The following ROBO2 variants were observed in gnomAD, a reference collection of about 807,000 sequenced individuals.
ROBO2 encodes the protein roundabout homolog 2.
ROBO2 carries 53 observed loss-of-function variants against 160.8 expected under a neutral mutation model. The ratio of observed to expected loss-of-function variants is 0.33; its 90% confidence interval spans 0.26 to 0.41. The LOEUF (loss-of-function observed/expected upper bound fraction) is 0.41. ROBO2 is among the 10% of genes least tolerant of loss of function. The pLI is 1.00. For missense variants in ROBO2, 1,577 were observed against 1,722.4 expected (o/e 0.92, Z 1.49); for synonymous variants, 664 against 611.7 (o/e 1.09, Z -1.26).
At chr3:77,420,879 C>T (rs910032416) in intron 2 of ROBO2, among the ~76,000 whole-genome samples, 5 of 152,106 alleles carry the variant, frequency 3.3e-5, no homozygotes, top group African/African-American at 7.2e-5. Context: ...GATTTATGCA[C>T]ATTTTTCCCC....
chr3:76,631,370 G>T (rs1208107991), intron 2 of ROBO2, among the ~76,000 whole-genome samples: 1 of 151,982 alleles, frequency 6.6e-6, no homozygotes, highest in Non-Finnish European at 1.5e-5. Flanking sequence ...CTCTGGTAAA[G>T]ATTCCCTTGC....
At chr3:76,713,446 T>C (rs2093332502) in intron 2 of ROBO2, among the ~76,000 whole-genome samples, 1 of 152,190 alleles carries the variant, frequency 6.6e-6, no homozygotes, top group South Asian at 2.1e-4. Flanking sequence ...CTTCCCCCAC[T>C]GATGAATTTT....
intron 2 of ROBO2, among the ~76,000 whole-genome samples, chr3:76,926,671 G>A (rs1428726163): frequency 6.6e-6 from 1 of 152,160 alleles, no homozygotes; most frequent in East Asian, 1.9e-4. Flanking sequence ...ATCTAGGTAG[G>A]TTCTTAAAGA....
intron 2 of ROBO2, among the ~76,000 whole-genome samples, chr3:77,146,668 GT>G (rs11314669): frequency 0.078 from 11,830 of 151,918 alleles, 1,073 homozygotes; most frequent in East Asian, 0.21. Flanking sequence ...GCGTACAGGT[GT>G]AAAAAGGCCA....
intron 2 of ROBO2, among the ~76,000 whole-genome samples, chr3:77,108,325 CAT>C (rs1050669221): frequency 4.2e-5 from 6 of 144,200 alleles, no homozygotes; most frequent in South Asian, 2.2e-4. Context: ...TACACATATG[CAT>C]ATATATATAT....
chr3:76,698,744 G>A (rs7638195), intron 2 of ROBO2, among the ~76,000 whole-genome samples: 30,785 of 152,084 alleles, frequency 0.2, 5,221 homozygotes, highest in African/African-American at 0.46. Context: ...TTTAACAGTG[G>A]TAGAAAACTA....
intron 2 of ROBO2, among the ~76,000 whole-genome samples, chr3:76,798,245 G>GAAAGAAAGAAGGA (rs1553909345): frequency 4.0e-5 from 2 of 50,314 alleles, no homozygotes; most frequent in Middle Eastern, 0.012. Flanking sequence ...AAGAAAAAAA[G>GAAAGAAAGAAGGA]AAGAAAGAAA....
chr3:77,022,666 T>C (rs977390259), intron 2 of ROBO2, among the ~76,000 whole-genome samples: 5 of 152,218 alleles, frequency 3.3e-5, no homozygotes, highest in Admixed American at 6.5e-5. Flanking sequence ...AGTTTTCCCT[T>C]GTTAACATGT....
At chr3:76,244,337 T>G (rs1455669104) in intron 2 of ROBO2, among the ~76,000 whole-genome samples, 1 of 152,198 alleles carries the variant, frequency 6.6e-6, no homozygotes, top group Non-Finnish European at 1.5e-5. Context: ...GTCCCCTTTC[T>G]GGGTCCTGTG....
In ROBO2 at chr3:76,992,416, C is replaced by T. The variant is rs2060734059; in HGVS notation, c.110-105598C>T. Among the ~76,000 whole-genome samples the T allele has an allele frequency of 2.7e-5, 4 of 146,214 alleles. No homozygotes were observed. The South Asian group carries it at 8.7e-4, about 32-fold the overall frequency. ...AAGTATATGCATATTTAAAGCTCTA[C>T]TCTTCTAAGTGACAGTTACACATCA... On this transcript the variant is annotated intron_variant, in intron 2 of 26. Coordinates refer to the ROBO2 transcript ENST00000487694.
chr3:77,484,155 A>G (rs1171181884), intron 4 of ROBO2, among the ~76,000 whole-genome samples: 1 of 152,046 alleles, frequency 6.6e-6, no homozygotes, highest in Non-Finnish European at 1.5e-5. Context: ...GCATTATCAA[A>G]TCTAAAAATT....
chr3:76,364,643 T>C (rs2075708436), intron 2 of ROBO2, among the ~76,000 whole-genome samples: 1 of 152,060 alleles, frequency 6.6e-6, no homozygotes, highest in East Asian at 1.9e-4. Context: ...GAAGTTTTAT[T>C]CCTAGGAAAT....
intron 2 of ROBO2, among the ~76,000 whole-genome samples, chr3:76,997,868 A>G (rs887772833): frequency 6.6e-6 from 1 of 152,158 alleles, no homozygotes; most frequent in African/African-American, 2.4e-5. Flanking sequence ...CAGCTGGGAA[A>G]TGGCCCAAAA....
At chr3:77,219,610 A>G (rs937059785) in intron 2 of ROBO2, among the ~76,000 whole-genome samples, 1 of 149,854 alleles carries the variant, frequency 6.7e-6, no homozygotes, top group Non-Finnish European at 1.5e-5. Flanking sequence ...GTTGTTCTGC[A>G]TTTTACTATT....
chr3:76,345,278 G>A (rs1399459518), intron 2 of ROBO2, among the ~76,000 whole-genome samples: 2 of 152,032 alleles, frequency 1.3e-5, no homozygotes, highest in Non-Finnish European at 2.9e-5. Flanking sequence ...CCTCTGTGAG[G>A]TCCAGGGAAA....
At chr3:76,985,185 T>A (rs1044507639) in intron 2 of ROBO2, among the ~76,000 whole-genome samples, 5 of 152,170 alleles carry the variant, frequency 3.3e-5, no homozygotes, top group African/African-American at 4.8e-5. Context: ...TTAATAATCA[T>A]AATGTTAATT....
At chr3:76,794,711 A>C (rs2108770049) in intron 2 of ROBO2, among the ~76,000 whole-genome samples, 1 of 152,148 alleles carries the variant, frequency 6.6e-6, no homozygotes, top group South Asian at 2.1e-4. Context: ...ATTTGTGACA[A>C]TTCTGGTGTC....
intron 2 of ROBO2, among the ~76,000 whole-genome samples, chr3:76,151,572 T>C (rs2072204486): frequency 6.6e-6 from 1 of 152,174 alleles, no homozygotes; most frequent in African/African-American, 2.4e-5. Context: ...GAACAGCTGC[T>C]TAACACCTCC....
intron 24 of ROBO2, chr3:77,642,825 A>G (rs2095367662): frequency 4.4e-6 from 2 of 456,568 alleles, no homozygotes; most frequent in African/African-American, 4.0e-5. Flanking sequence ...CAAAGAGCTC[A>G]TTGGATTGTC....
Sources: gnomAD v4.1 joint callset for allele counts (sites outside exome capture counted in the v4.1 genomes callset) on GRCh38, gnomAD v4.1.1 for gene constraint, MANE v1.5 for transcripts, NCBI Gene and HGNC (gene_info 2026-07-23, HGNC 2026-07-21) for gene names.